Variants in IL1RAPL2 observed in about 807,000 individuals in gnomAD.
The protein encoded by IL1RAPL2 is interleukin 1 receptor accessory protein like 2.
IL1RAPL2 carries 3 observed loss-of-function variants against 44.1 expected under a neutral mutation model. The ratio of observed to expected loss-of-function variants is 0.07; its 90% CI spans 0.03 to 0.18. The LOEUF (loss-of-function observed/expected upper bound fraction) is 0.18, where lower values mean the gene tolerates loss of function less well. IL1RAPL2 is among the 10% of genes least tolerant of loss of function. IL1RAPL2 has a pLI of 1.00. For missense variants in IL1RAPL2, 391 were observed against 496.4 expected, an observed-to-expected ratio of 0.79 and a Z score of 2.02; for synonymous variants, 181 against 178.8, an observed-to-expected ratio of 1.01 and a Z score of -0.10.
chrX:105,397,671 A>G (rs2035574219), intron 5 of IL1RAPL2, among the ~76,000 whole-genome samples: 1 of 111,066 alleles, frequency 9.0e-6, no homozygotes, highest in Admixed American at 9.6e-5. Context: ...AGGGGATAAG[A>G]TCCACAGCAG....
chrX:105,262,309 G>A (rs2034366158), intron 4 of IL1RAPL2, among the ~76,000 whole-genome samples: 1 of 111,833 alleles, frequency 8.9e-6, no homozygotes, highest in South Asian at 3.7e-4. Context: ...GCCTTAGAAT[G>A]ATAACTTTAG....
chrX:104,956,040 AGTATTCT>A (rs1925702384), intron 2 of IL1RAPL2, among the ~76,000 whole-genome samples: 1 of 112,124 alleles, frequency 8.9e-6, no homozygotes, highest in African/African-American at 3.2e-5. Flanking sequence ...TTGCTCCACA[AGTATTCT>A]GTAGAAAACA....
chrX:105,618,835 G>T (rs777100119), intron 6 of IL1RAPL2, among the ~76,000 whole-genome samples: 1 of 111,641 alleles, frequency 9.0e-6, no homozygotes, highest in East Asian at 2.8e-4. Context: ...GATATCTGTT[G>T]TTATGAGCAC....
At chrX:105,210,236 C>T (rs2033797448) in intron 3 of IL1RAPL2, among the ~76,000 whole-genome samples, 1 of 111,833 alleles carries the variant, frequency 8.9e-6, no homozygotes, top group African/African-American at 3.3e-5. Context: ...AACCCATCCA[C>T]CTAGTAAATT....
At chrX:105,714,850 C>A (rs1271494751) in intron 6 of IL1RAPL2, among the ~76,000 whole-genome samples, 1 of 112,030 alleles carries the variant, frequency 8.9e-6, no homozygotes, top group Non-Finnish European at 1.9e-5. Context: ...TATGACTTTA[C>A]CCCTTAACTC....
At chrX:104,752,778 A>G (rs1932281867) in intron 2 of IL1RAPL2, among the ~76,000 whole-genome samples, 1 of 110,612 alleles carries the variant, frequency 9.0e-6, no homozygotes, top group Non-Finnish European at 1.9e-5. Flanking sequence ...TTGCTACCAA[A>G]TACTTCTCTT....
chrX:105,227,023 A>C (rs968053653), intron 3 of IL1RAPL2, among the ~76,000 whole-genome samples: 15 of 96,659 alleles, frequency 1.6e-4, no homozygotes, highest in Non-Finnish European at 2.2e-4. Flanking sequence ...GGAGATAAGA[A>C]CAGTTAAAAA....
chrX:105,587,924 A>G (rs758858026), intron 6 of IL1RAPL2, among the ~76,000 whole-genome samples: 29 of 110,930 alleles, frequency 2.6e-4, no homozygotes, highest in African/African-American at 9.2e-4. Context: ...CTGTAGTCTC[A>G]GCTGCTCAGG....
At chrX:105,077,862 A>G (rs1335719055) in intron 2 of IL1RAPL2, among the ~76,000 whole-genome samples, 1 of 111,854 alleles carries the variant, frequency 8.9e-6, no homozygotes. Context: ...TTCATCGTGT[A>G]GTTCTCGTGC....
intron 6 of IL1RAPL2, among the ~76,000 whole-genome samples, chrX:105,536,175 C>G (rs1287903163): frequency 9.1e-6 from 1 of 110,477 alleles, no homozygotes; most frequent in Non-Finnish European, 1.9e-5. Context: ...GAGATAACCA[C>G]TGCTGTTATC....
intron 4 of IL1RAPL2, among the ~76,000 whole-genome samples, chrX:105,236,099 G>A (rs1228923890): frequency 8.9e-6 from 1 of 112,462 alleles, no homozygotes; most frequent in Non-Finnish European, 1.9e-5. Flanking sequence ...GGTTGAGGAA[G>A]GGAAGGTGAC....
chrX:105,009,679 A>G (rs994510756), intron 2 of IL1RAPL2, among the ~76,000 whole-genome samples: 3 of 109,121 alleles, frequency 2.7e-5, no homozygotes, highest in Non-Finnish European at 5.7e-5. Flanking sequence ...CAGCACACCA[A>G]CATGGCACAT....
At chrX:105,178,447 A>G (rs2033497230) in intron 2 of IL1RAPL2, among the ~76,000 whole-genome samples, 1 of 112,329 alleles carries the variant, frequency 8.9e-6, no homozygotes, top group Admixed American at 9.4e-5. Context: ...CAATGCAAGT[A>G]TCCCTTTAAT....
At chrX:105,549,668 T>C (rs1408024866) in intron 6 of IL1RAPL2, among the ~76,000 whole-genome samples, 1 of 111,620 alleles carries the variant, frequency 9.0e-6, no homozygotes, top group East Asian at 2.8e-4. Flanking sequence ...ATCTGCATGG[T>C]AGTTTTTCTC....
intron 2 of IL1RAPL2, among the ~76,000 whole-genome samples, chrX:104,849,656 T>C (rs1922172393): frequency 9.1e-6 from 1 of 110,037 alleles, no homozygotes; most frequent in South Asian, 3.8e-4. Flanking sequence ...TATAGTTTTA[T>C]TACCTCAAAT....
intron 2 of IL1RAPL2, among the ~76,000 whole-genome samples, chrX:105,115,644 G>C (rs1415684509): frequency 1.8e-5 from 2 of 112,833 alleles, no homozygotes; most frequent in Admixed American, 9.3e-5. Flanking sequence ...TAGACATAAA[G>C]ATTCTCCAAG....
chrX:105,475,425 A>G (rs2036191350), intron 5 of IL1RAPL2, among the ~76,000 whole-genome samples: 1 of 111,204 alleles, frequency 9.0e-6, no homozygotes, highest in African/African-American at 3.3e-5. Flanking sequence ...ACAGAGCCAA[A>G]TGATGATCTT....
chrX:105,016,942 C>T (rs2031191223), intron 2 of IL1RAPL2, among the ~76,000 whole-genome samples: 1 of 111,259 alleles, frequency 9.0e-6, no homozygotes, highest in South Asian at 3.7e-4. Flanking sequence ...TCTGTCCGGT[C>T]CTGGACATTT....
intron 5 of IL1RAPL2, among the ~76,000 whole-genome samples, chrX:105,389,113 T>C (rs1008605410): frequency 8.9e-6 from 1 of 112,004 alleles, no homozygotes; most frequent in African/African-American, 3.2e-5. Flanking sequence ...GGATTCCAAA[T>C]ATATCACTTG....
Sources: gnomAD v4.1 joint callset for allele counts (sites outside exome capture counted in the v4.1 genomes callset) on GRCh38, gnomAD v4.1.1 for gene constraint, MANE v1.5 for transcripts, NCBI Gene and HGNC (gene_info 2026-07-23, HGNC 2026-07-21) for gene names.